PARD3B: variants seen among roughly 807,000 people sequenced by gnomAD.
PARD3B encodes par-3 family cell polarity regulator beta.
PARD3B carries 103 observed loss-of-function variants against 130.2 expected under a neutral mutation model. The observed-to-expected ratio is 0.79, with a 90% CI of 0.67 to 0.93. The LOEUF (loss-of-function observed/expected upper bound fraction) is 0.93, where lower values mean the gene tolerates loss of function less well. PARD3B is among the 40% of genes least tolerant of loss of function. The pLI, the probability that PARD3B is intolerant of heterozygous loss-of-function variation, is 0.00. For synonymous variants in PARD3B, 583 were observed against 553.2 expected (o/e 1.05, Z -0.76); for missense variants, 1,609 against 1,499.2 (o/e 1.07, Z -1.21).
At chr2:205,204,554 G>T (rs1229635879) in intron 15 of PARD3B, among the ~76,000 whole-genome samples, 1 of 152,174 alleles carries the variant, frequency 6.6e-6, no homozygotes, top group African/African-American at 2.4e-5. Flanking sequence ...TATTGCCTAG[G>T]TGTTCTTCTA....
chr2:205,014,463 G>T (rs1174042260), intron 3 of PARD3B, among the ~76,000 whole-genome samples: 1 of 152,182 alleles, frequency 6.6e-6, no homozygotes, highest in Non-Finnish European at 1.5e-5. Context: ...TCACAACTGG[G>T]ATGCCCCAGT....
At chr2:204,566,069 C>G (rs1054076606) in intron 1 of PARD3B, among the ~76,000 whole-genome samples, 3 of 152,162 alleles carry the variant, frequency 2.0e-5, no homozygotes, top group Non-Finnish European at 2.9e-5. Flanking sequence ...GTGTCACTAC[C>G]TCCATTCAAG....
At chr2:204,661,466 T>A (rs1180035606) in intron 1 of PARD3B, among the ~76,000 whole-genome samples, 1 of 152,132 alleles carries the variant, frequency 6.6e-6, no homozygotes, top group African/African-American at 2.4e-5. Flanking sequence ...TGAAACCAAG[T>A]ACCTCATGAC....
At chr2:205,392,006 T>C (rs1320651968) in intron 18 of PARD3B, among the ~76,000 whole-genome samples, 1 of 143,572 alleles carries the variant, frequency 7.0e-6, no homozygotes. Context: ...CTCTCTCTTT[T>C]GTTTGTTTGG....
chr2:205,091,378 T>G lies in PARD3B; in HGVS notation c.505-13048T>G, dbSNP rs1405121322. On this transcript the variant is annotated intron_variant, in intron 4 of 22. Coordinates refer to ENST00000406610, the MANE Select transcript of PARD3B (RefSeq NM_001302769.2). The surrounding 1 kb of genome is among the most constrained non-coding windows in gnomAD (Gnocchi z 4.2). ...TGGAGTGATGTATTTTCAAAGAGGC[T>G]CCAGAAAAGATCGCAGCATTGGCGA... Among the ~76,000 whole-genome samples, 1 of 152,080 alleles carries G rather than the reference T, an allele frequency of 6.6e-6. No individual in the cohort carries two copies. Among genetic ancestry groups the G allele is most frequent in the Non-Finnish European group, 1.5e-5 (1 of 68,016 alleles).
intron 15 of PARD3B, among the ~76,000 whole-genome samples, chr2:205,229,000 A>G (rs1302921402): frequency 6.6e-6 from 1 of 152,194 alleles, no homozygotes; most frequent in Non-Finnish European, 1.5e-5. Context: ...AGGAGTCTGA[A>G]TGACTTCTCT....
intron 4 of PARD3B, among the ~76,000 whole-genome samples, chr2:205,067,078 C>A: frequency 8.8e-6 from 1 of 114,182 alleles, no homozygotes; most frequent in Non-Finnish European, 1.8e-5. Context: ...TTGCATCTTG[C>A]ATCCACTTTT....
chr2:205,050,183 A>T (rs1020811523), intron 4 of PARD3B, among the ~76,000 whole-genome samples: 1 of 148,254 alleles, frequency 6.7e-6, no homozygotes, highest in African/African-American at 2.4e-5. Context: ...ATTAATTAAT[A>T]TATATTAATA....
At chr2:204,917,387 C>T (rs560391937) in intron 2 of PARD3B, among the ~76,000 whole-genome samples, 4 of 152,256 alleles carry the variant, frequency 2.6e-5, no homozygotes, top group African/African-American at 9.6e-5. Flanking sequence ...ATAGTGGCTT[C>T]TATTTTGGGT....
intron 1 of PARD3B, among the ~76,000 whole-genome samples, chr2:204,553,650 CCATA>C (rs1414211365): frequency 7.9e-4 from 21 of 26,594 alleles, no homozygotes; most frequent in African/African-American, 3.5e-3. Flanking sequence ...TTATATATAT[CCATA>C]TATATATATA....
Position 205,585,485 on chromosome 2 carries a change from C to T in PARD3B, c.3261-29971C>T, listed in dbSNP as rs1389207855. Among the ~76,000 whole-genome samples the T allele has an allele frequency of 6.6e-6, 1 of 152,144 alleles. No individual in the cohort carries two copies. The highest frequency in any genetic ancestry group is 1.5e-5 in the Non-Finnish European group (1 of 68,022). ...GATGAGAAGGCCAGGATGGTAGCCT[C>T]CGGAAGAATCGGCAGGCATTTATTT... On this transcript the variant is annotated intron_variant, in intron 22 of 22. Transcript: ENST00000406610. This position sits in a 1 kb window ranked among gnomAD's most constrained non-coding sequence, Gnocchi z 5.4.
rs561057213 is a variant in PARD3B at position 205,572,678 on chromosome 2, G to A, written c.3260+19275G>A. 1.3e-5 allele frequency among the ~76,000 whole-genome samples: 2 copies of A among 152,198 alleles called. No individual in the cohort carries two copies. Among genetic ancestry groups the A allele is most frequent in the South Asian group, 4.2e-4 (2 of 4,810 alleles). On this transcript the variant is annotated intron_variant, in intron 22 of 22. Coordinates refer to ENST00000406610, the MANE Select transcript of PARD3B (RefSeq NM_001302769.2). The surrounding 1 kb of genome is among the most constrained non-coding windows in gnomAD (Gnocchi z 4.2). ...GAGAATTGCTTGAACCCAGAAGGTGGAGGTTGCAGTGAGCTGAGATCATGC... is the reference window on the plus strand; with the variant it reads ...GAGAATTGCTTGAACCCAGAAGGTGAAGGTTGCAGTGAGCTGAGATCATGC...
intron 2 of PARD3B, among the ~76,000 whole-genome samples, chr2:204,773,517 T>C (rs1160400960): frequency 1.3e-5 from 2 of 152,174 alleles, no homozygotes; most frequent in Admixed American, 6.6e-5. Context: ...TTCACATCTT[T>C]TACAAAACTC....
At chr2:204,648,393 T>G (rs1056402585) in intron 1 of PARD3B, among the ~76,000 whole-genome samples, 84 of 150,684 alleles carry the variant, frequency 5.6e-4, no homozygotes, top group African/African-American at 1.9e-3. Flanking sequence ...TATATCACAT[T>G]TCAGTTGTTT....
chr2:205,456,230 T>C (rs1455914727), intron 20 of PARD3B, among the ~76,000 whole-genome samples: 1 of 152,116 alleles, frequency 6.6e-6, no homozygotes, highest in African/African-American at 2.4e-5. Flanking sequence ...TTAATCATGC[T>C]ATGGATGTAC....
At chr2:205,179,304 A>G (rs1036322776) in intron 13 of PARD3B, among the ~76,000 whole-genome samples, 7 of 152,200 alleles carry the variant, frequency 4.6e-5, no homozygotes. Flanking sequence ...AAGAAAGAAA[A>G]TATTTTTTAG....
At chr2:204,813,471 G>A (rs2043035710) in intron 2 of PARD3B, among the ~76,000 whole-genome samples, 1 of 151,950 alleles carries the variant, frequency 6.6e-6, no homozygotes, top group South Asian at 2.1e-4. Flanking sequence ...TCAGGCTGTG[G>A]ATTATCTTCT....
intron 1 of PARD3B, among the ~76,000 whole-genome samples, chr2:204,577,687 T>G (rs1256805005): frequency 6.6e-6 from 1 of 152,184 alleles, no homozygotes; most frequent in Non-Finnish European, 1.5e-5. Flanking sequence ...TATTCTCACT[T>G]CAGCCTCCTA....
chr2:205,104,619 A>G, intron 5 of PARD3B, 105 bp downstream of exon 5: 1 of 764,268 alleles, frequency 1.3e-6, no homozygotes, highest in Non-Finnish European at 2.1e-6. Flanking sequence ...GGATAAGTAG[A>G]ATCATGGAGT....
Sources: allele counts gnomAD v4.1 joint callset (sites outside exome capture counted in the v4.1 genomes callset), GRCh38; gene constraint gnomAD v4.1.1; non-coding constraint Gnocchi (gnomAD v3.1); transcripts MANE v1.5; gene names NCBI Gene and HGNC (gene_info 2026-07-23, HGNC 2026-07-21).